ASIC2: variants seen among roughly 807,000 people sequenced by gnomAD.
ASIC2 encodes acid-sensing ion channel 2.
In ASIC2, 25 loss-of-function variants were observed where a neutral mutation model predicts 57.3. The ratio of observed to expected loss-of-function variants is 0.44; its 90% CI spans 0.32 to 0.61. The LOEUF (loss-of-function observed/expected upper bound fraction) is 0.61. ASIC2 is among the 20% of genes least tolerant of loss of function. The pLI is 0.06. For missense variants in ASIC2, 641 were observed against 738.1 expected, an observed-to-expected ratio of 0.87 and a Z score of 1.52; for synonymous variants, 319 against 307.5, an observed-to-expected ratio of 1.04 and a Z score of -0.39.
At chr17:34,084,963 A>G (rs971085415) in intron 1 of ASIC2, among the ~76,000 whole-genome samples, 1 of 152,230 alleles carries the variant, frequency 6.6e-6, no homozygotes, top group Non-Finnish European at 1.5e-5. Context: ...TTTTCTAGAT[A>G]TACAATCATG....
chr17:33,821,054 C>T (rs142728905), intron 1 of ASIC2, among the ~76,000 whole-genome samples: 188 of 152,226 alleles, frequency 1.2e-3, no homozygotes, highest in Middle Eastern at 3.4e-3. Context: ...GAATAAAGCA[C>T]GCACTTTTTC....
At chr17:33,079,538 C>G (rs1423208106) in intron 3 of ASIC2, among the ~76,000 whole-genome samples, 7 of 151,916 alleles carry the variant, frequency 4.6e-5, no homozygotes, top group Non-Finnish European at 1.0e-4. Context: ...TGGACTTCAT[C>G]CTGTGGTTCA....
rs1177143274 is a variant in ASIC2, at chr17:33,192,227, A to G, written c.709-80160T>C. ...GAAACCTCATGTCTCTACTGAAAAT[A>G]CAAAAATTAGCCAGGCATGTTGGTG... On this transcript the variant is annotated intron_variant, in intron 1 of 9. Transcript: ENST00000225823. Among the ~76,000 whole-genome samples, 3 of 152,098 alleles carry G rather than the reference A, an allele frequency of 2.0e-5. No homozygotes were observed. In the East Asian group the frequency reaches 5.8e-4, roughly 29 times the overall value.
intron 1 of ASIC2, among the ~76,000 whole-genome samples, chr17:33,839,304 C>G (rs1179103296): frequency 6.6e-6 from 1 of 152,160 alleles, no homozygotes; most frequent in African/African-American, 2.4e-5. Flanking sequence ...GGTGGGTACC[C>G]AGGAACATTG....
chr17:33,129,289 G>A (rs921881629), intron 1 of ASIC2, among the ~76,000 whole-genome samples: 1 of 152,158 alleles, frequency 6.6e-6, no homozygotes, highest in Non-Finnish European at 1.5e-5. Context: ...AGGAAATCAG[G>A]TCTCCTTCTA....
chr17:33,381,481 C>A (rs959315439), intron 1 of ASIC2, among the ~76,000 whole-genome samples: 3 of 152,228 alleles, frequency 2.0e-5, no homozygotes, highest in African/African-American at 7.2e-5. Context: ...GCAGCATCTG[C>A]CTGTGTGCTT....
chr17:33,720,367 C>T (rs1909349507), intron 1 of ASIC2, among the ~76,000 whole-genome samples: 1 of 152,206 alleles, frequency 6.6e-6, no homozygotes, highest in Non-Finnish European at 1.5e-5. Context: ...CTACAGTTTC[C>T]AAATACTTTA....
chr17:33,571,499 C>T (rs1916441051), intron 1 of ASIC2, among the ~76,000 whole-genome samples: 1 of 152,184 alleles, frequency 6.6e-6, no homozygotes, highest in Non-Finnish European at 1.5e-5. Context: ...AGACTGTGAT[C>T]CAGCCTCAAA....
chr17:33,071,167 G>C (rs898588415), intron 3 of ASIC2, among the ~76,000 whole-genome samples: 1 of 151,952 alleles, frequency 6.6e-6, no homozygotes, highest in African/African-American at 2.4e-5. Flanking sequence ...AAAGGATTTG[G>C]CCATCATTTT....
chr17:33,256,692 C>T (rs775390078), intron 1 of ASIC2, among the ~76,000 whole-genome samples: 6 of 152,200 alleles, frequency 3.9e-5, no homozygotes, highest in East Asian at 1.9e-4. Flanking sequence ...ATTAGCCAGG[C>T]GTGGTGGCAC....
At chr17:33,873,592 C>G (rs1914477952) in intron 1 of ASIC2, among the ~76,000 whole-genome samples, 1 of 152,168 alleles carries the variant, frequency 6.6e-6, no homozygotes, top group Admixed American at 6.5e-5. Flanking sequence ...AAATCCTTAT[C>G]TGTAAAAATT....
chr17:33,227,695 T>C (rs1055959735), intron 1 of ASIC2, among the ~76,000 whole-genome samples: 1 of 152,170 alleles, frequency 6.6e-6, no homozygotes, highest in Admixed American at 6.5e-5. Flanking sequence ...TTTGCATATA[T>C]TACCTCATAG....
chr17:33,552,902 C>T (rs1915794735), intron 1 of ASIC2, among the ~76,000 whole-genome samples: 1 of 152,190 alleles, frequency 6.6e-6, no homozygotes, highest in East Asian at 1.9e-4. Context: ...GCTGGGCTCT[C>T]TTGCACCGCC....
chr17:34,018,534 G>A (rs1313701927), intron 1 of ASIC2, among the ~76,000 whole-genome samples: 2 of 152,184 alleles, frequency 1.3e-5, no homozygotes, highest in Admixed American at 6.5e-5. Flanking sequence ...AGTGATTAGT[G>A]ATTCCTCTCA....
chr17:33,252,549 T>TC (rs1458115705), intron 1 of ASIC2, among the ~76,000 whole-genome samples: 1 of 152,044 alleles, frequency 6.6e-6, no homozygotes, highest in Non-Finnish European at 1.5e-5. Context: ...CAGCATTGTT[T>TC]CCCCGAGCCA....
At chr17:33,698,690 A>G (rs1908604693) in intron 1 of ASIC2, among the ~76,000 whole-genome samples, 1 of 152,166 alleles carries the variant, frequency 6.6e-6, no homozygotes. Flanking sequence ...AAACTGATGG[A>G]TGTGCAAAGT....
intron 1 of ASIC2, chr17:33,793,736 A>G (rs778201815): frequency 2.0e-5 from 3 of 152,236 alleles, no homozygotes; most frequent in Non-Finnish European, 2.9e-5. Context: ...GGACGTGGTC[A>G]GTCTGCTTTC....
intron 1 of ASIC2, among the ~76,000 whole-genome samples, chr17:33,443,453 G>A (rs7222687): frequency 0.14 from 16,360 of 120,450 alleles, 1,072 homozygotes; most frequent in Middle Eastern, 0.26. Flanking sequence ...TCGCTCTGTC[G>A]CCCAGGCTGG....
intron 1 of ASIC2, among the ~76,000 whole-genome samples, chr17:34,149,493 C>T (rs187159051): frequency 1.3e-5 from 2 of 152,286 alleles, no homozygotes; most frequent in Admixed American, 6.5e-5. Flanking sequence ...ACAACAATTT[C>T]ACCATATATC....
Sources: allele counts gnomAD v4.1 joint callset (sites outside exome capture counted in the v4.1 genomes callset), GRCh38; gene constraint gnomAD v4.1.1; transcripts MANE v1.5; gene names NCBI Gene and HGNC (gene_info 2026-07-23, HGNC 2026-07-21).